Variants in SYNE1 observed in about 807,000 individuals in gnomAD.
The protein encoded by SYNE1 is nesprin-1.
A neutral mutation model predicts 1,111.0 loss-of-function variants in SYNE1; 616 were observed. The observed-to-expected ratio is 0.55, with a 90% CI of 0.52 to 0.59. The LOEUF (loss-of-function observed/expected upper bound fraction) is 0.59, where lower values mean the gene tolerates loss of function less well. SYNE1 is among the 20% of genes least tolerant of loss of function. The probability of loss-of-function intolerance (pLI) is 0.00; values close to 1 mark genes in which losing one functional copy is unlikely to be tolerated. For synonymous variants in SYNE1, 3,855 were observed against 3,825.8 expected (o/e 1.01, Z -0.28); for missense variants, 10,006 against 10,417.0 (o/e 0.96, Z 1.72).
At chr6:152,629,106 GT>G (rs895643166) in intron 2 of SYNE1, among the ~76,000 whole-genome samples, 2 of 152,220 alleles carry the variant, frequency 1.3e-5, no homozygotes, top group African/African-American at 4.8e-5. Flanking sequence ...GTATGATTTA[GT>G]TTTTTTCCTC....
chr6:152,503,705 T>G (rs2099042544), intron 9 of SYNE1, among the ~76,000 whole-genome samples: 1 of 152,154 alleles, frequency 6.6e-6, no homozygotes, highest in South Asian at 2.1e-4. Flanking sequence ...GTGCTGCAAC[T>G]CACACTATTT....
At chr6:152,592,618 T>C (rs1486216118) in intron 3 of SYNE1, among the ~76,000 whole-genome samples, 1 of 152,192 alleles carries the variant, frequency 6.6e-6, no homozygotes, top group Non-Finnish European at 1.5e-5. Flanking sequence ...CTATGTTCAC[T>C]GCCAGGGTGA....
intron 16 of SYNE1, among the ~76,000 whole-genome samples, chr6:152,468,271 G>T (rs1211960528): frequency 6.6e-6 from 1 of 152,064 alleles, no homozygotes; most frequent in East Asian, 1.9e-4. Context: ...GGTTTATCAA[G>T]ACTATTTACA....
chr6:152,281,258 G>GTT (rs2094009704), intron 97 of SYNE1, among the ~76,000 whole-genome samples: 1 of 152,118 alleles, frequency 6.6e-6, no homozygotes, highest in Non-Finnish European at 1.5e-5. Context: ...AATAGCATTA[G>GTT]AATAAAGACT....
At chr6:152,362,578 C>T (rs1485528997) in intron 63 of SYNE1, among the ~76,000 whole-genome samples, 2 of 152,006 alleles carry the variant, frequency 1.3e-5, no homozygotes, top group Non-Finnish European at 2.9e-5. Flanking sequence ...CAAGAGTCAG[C>T]GGCTGGGGGG....
At position 152,353,354 on chromosome 6, in the gene SYNE1, T is replaced by C. The variant is rs1563289958; in HGVS notation, c.11162A>G (p.Tyr3721Cys). 1 of 1,614,212 alleles carries C rather than the reference T, an allele frequency of 6.2e-7. No homozygotes were observed. The highest frequency in any genetic ancestry group is 8.5e-7 in the Non-Finnish European group (1 of 1,180,028). The change falls in exon 69 of 146, where the codon TAT becomes TGT. Residue 3721 changes from tyrosine (Y) to cysteine (C), a missense_variant. Around this residue, in one of 7 missense-constraint regions of SYNE1, gnomAD observed 4,955 missense variants for 5,017.2 expected, o/e 0.99. Coordinates refer to ENST00000367255, the MANE Select transcript of SYNE1 (RefSeq NM_182961.4). ...ESSLSSYSDW[Y>C]GSTHKNFKNV... ...CTTGAAGTTTTTATGAGTAGAGCCA[T>C]ACCAATCAGAATAGGAACTGAGGGA...
chr6:152,503,827 C>CA (rs567233839), intron 9 of SYNE1, among the ~76,000 whole-genome samples: 78 of 152,070 alleles, frequency 5.1e-4, no homozygotes, highest in Non-Finnish European at 9.3e-4. Flanking sequence ...GAAAGAAAAG[C>CA]AATATTTAAT....
chr6:152,136,193 T>C (rs1018663521), intron 141 of SYNE1, among the ~76,000 whole-genome samples: 3 of 152,230 alleles, frequency 2.0e-5, no homozygotes, highest in African/African-American at 7.2e-5. Context: ...TTCAATGTTT[T>C]AGCACCACGT....
intron 128 of SYNE1, among the ~76,000 whole-genome samples, chr6:152,188,972 AAAAAAAAAAAAAATATATAT>A (rs1274630042): frequency 1.7e-5 from 1 of 59,116 alleles, no homozygotes; most frequent in African/African-American, 8.2e-5. Context: ...AAAAAAAAAA[AAAAAAAAAAAAAATATATAT>A]ATATATATAT....
At chr6:152,271,398 C>CTTCCT (rs1171430752) in intron 98 of SYNE1, among the ~76,000 whole-genome samples, 1 of 152,192 alleles carries the variant, frequency 6.6e-6, no homozygotes, top group Non-Finnish European at 1.5e-5. Context: ...CTCAGAGGTA[C>CTTCCT]TTCCTTTCCT....
chr6:152,156,239 C>A, intron 131 of SYNE1, 142 bp from the exon 132 acceptor site: 1 of 982,388 alleles, frequency 1.0e-6, no homozygotes, highest in East Asian at 2.6e-5. Flanking sequence ...TATTGAGCCT[C>A]ATTTATGAAA....
intron 87 of SYNE1, 78 bp downstream of exon 87, chr6:152,316,771 C>T: frequency 6.4e-7 from 1 of 1,557,658 alleles, no homozygotes; most frequent in Non-Finnish European, 8.8e-7. Context: ...TCACAGCCCT[C>T]TAAGTGTTGT....
rs779475845 is a variant in SYNE1, at chr6:152,407,085, G to T, written c.6652C>A (p.Pro2218Thr). 2 of 1,613,846 alleles carry T rather than the reference G, an allele frequency of 1.2e-6. No homozygotes were observed. Among genetic ancestry groups the T allele is most frequent in the East Asian group, 4.5e-5 (2 of 44,846 alleles). ...EIEGWSNNCV[P>T]QMAENISNLD... ...TTGCTGATGTTTTCTGCCATCTGTG[G>T]AACGCAGTTGTTTGACCATCCCTCA... The change falls in exon 45 of 146, where the codon CCA becomes ACA. Residue 2218 changes from proline to threonine, a missense_variant. By Grantham distance (38) the Pro-to-Thr change is conservative. Around this residue, in one of 7 missense-constraint regions of SYNE1, gnomAD observed 4,955 missense variants for 5,017.2 expected, o/e 0.99. Transcript: ENST00000367255.
chr6:152,130,185 A>G (rs1295190839), intron 145 of SYNE1, among the ~76,000 whole-genome samples: 2 of 152,210 alleles, frequency 1.3e-5, no homozygotes, highest in South Asian at 2.1e-4. Flanking sequence ...GATAAGCAGA[A>G]GAGAGAAGGT....
At position 152,537,942 on chromosome 6, in the gene SYNE1, G is replaced by C. The variant is rs919266252; in HGVS notation, c.129+2018C>G. Among the ~76,000 whole-genome samples the C allele has an allele frequency of 7.9e-5, 12 of 152,086 alleles. 1 individual carries two copies. The highest frequency in any genetic ancestry group is 2.9e-4 in the African/African-American group (12 of 41,406). ...GAAATGGTAAATTTAACTCATAAAC[G>C]GTTTGGTTGTCAGTTTATCTGAAAA... On this transcript the variant is annotated intron_variant, in intron 4 of 145. Coordinates refer to ENST00000367255, the MANE Select transcript of SYNE1 (RefSeq NM_182961.4).
intron 3 of SYNE1, among the ~76,000 whole-genome samples, chr6:152,623,769 A>C (rs1308360554): frequency 6.6e-6 from 1 of 152,142 alleles, no homozygotes; most frequent in African/African-American, 2.4e-5. Flanking sequence ...TAGTATAAAA[A>C]TTAATCAAGG....
intron 3 of SYNE1, among the ~76,000 whole-genome samples, chr6:152,592,961 C>G (rs1360785345): frequency 5.9e-5 from 9 of 152,172 alleles, no homozygotes; most frequent in African/African-American, 1.9e-4. Context: ...CCCACCTGAG[C>G]TCCTGGGGTG....
rs547324404 is a variant in SYNE1 at position 152,390,287 on chromosome 6, C to T, written c.8170G>A (p.Ala2724Thr). The T allele has an allele frequency of 6.2e-6, 10 of 1,613,868 alleles. No individual in the cohort carries two copies. Among genetic ancestry groups the T allele is most frequent in the African/African-American group, 4.0e-5 (3 of 75,000 alleles). ...WADIMSSSVH[A>T]QSTLESVISQ... ...TAAAAATAGGTTCTGTACCTTTGAG[C>T]GTGGACGGAGGAGCTCATGATGTCA... Residue 2724 changes from alanine (A) to threonine (T), a missense_variant, in exon 53 of 146, where the codon GCT becomes ACT. Around this residue, in one of 7 missense-constraint regions of SYNE1, gnomAD observed 4,955 missense variants for 5,017.2 expected, o/e 0.99. Coordinates refer to ENST00000367255, the MANE Select transcript of SYNE1 (RefSeq NM_182961.4).
chr6:152,276,455 T>C (rs1281756976), intron 98 of SYNE1, among the ~76,000 whole-genome samples: 1 of 152,212 alleles, frequency 6.6e-6, no homozygotes, highest in Non-Finnish European at 1.5e-5. Context: ...AAATAGTTTT[T>C]AGTTGATTAA....
Sources: gnomAD v4.1 joint callset for allele counts (sites outside exome capture counted in the v4.1 genomes callset) on GRCh38, gnomAD v4.1.1 for gene constraint, gnomAD v4.1.1 regional missense constraint, MANE v1.5 for transcripts, NCBI Gene and HGNC (gene_info 2026-07-23, HGNC 2026-07-21) for gene names.